The following ZFAT variants were observed in gnomAD, a reference collection of about 807,000 sequenced individuals.
The protein encoded by ZFAT is zinc finger protein ZFAT.
Under a neutral mutation model 117.7 loss-of-function variants are expected in ZFAT, and 64 were observed. The observed-to-expected ratio is 0.54, with a 90% CI of 0.44 to 0.67. The LOEUF (loss-of-function observed/expected upper bound fraction) is 0.67, where lower values mean the gene tolerates loss of function less well. Ranked by LOEUF, ZFAT falls within the 30% of genes least tolerant of loss-of-function variation. The pLI, the probability that ZFAT is intolerant of heterozygous loss-of-function variation, is 0.00. For synonymous variants in ZFAT, 679 were observed against 615.0 expected (o/e 1.10, Z -1.54); for missense variants, 1,433 against 1,584.5 (o/e 0.90, Z 1.62).
At chr8:134,535,877 A>G (rs1821798601) in intron 11 of ZFAT, among the ~76,000 whole-genome samples, 1 of 152,226 alleles carries the variant, frequency 6.6e-6, no homozygotes. Flanking sequence ...TTGGAATGTT[A>G]GCATTTACAT....
chr8:134,667,267 G>A (rs886084368), intron 1 of ZFAT, among the ~76,000 whole-genome samples: 2 of 152,130 alleles, frequency 1.3e-5, no homozygotes, highest in East Asian at 3.8e-4. Context: ...GCCGAGATGG[G>A]CGGATCAGAG....
rs752848073 is a variant in ZFAT at position 134,649,165 on chromosome 8, T to TCACACA, written c.196+8390_196+8395dup. Among the ~76,000 whole-genome samples the TCACACA allele has an allele frequency of 6.7e-4, 52 of 77,056 alleles. 1 individual carries two copies. The Middle Eastern group carries it at 0.019, about 28-fold the overall frequency. The allele number at this position is 77,056 out of a possible 152,430, so 50.6% of individuals were successfully genotyped here. On this transcript the variant is annotated intron_variant, in intron 2 of 15. Transcript: ENST00000377838. ...TAACCTAATGAAGAACATCTATCTC[T>TCACACA]CACACACACACACACACACACACAC...
chr8:134,710,351 C>T (rs1020902790), intron 1 of ZFAT, among the ~76,000 whole-genome samples: 2 of 152,224 alleles, frequency 1.3e-5, no homozygotes, highest in Admixed American at 1.3e-4. Flanking sequence ...AGGACACTTG[C>T]CTGGTGCACC....
At chr8:134,712,080 C>T (rs961914506) in intron 1 of ZFAT, among the ~76,000 whole-genome samples, 1 of 152,338 alleles carries the variant, frequency 6.6e-6, no homozygotes, top group Non-Finnish European at 1.5e-5. Context: ...TGAACACTTA[C>T]ATGAGCCAAG....
chr8:134,600,731 AATT>A (rs1827360248), intron 6 of ZFAT, 63 bp from the exon 7 acceptor site: 1 of 1,309,486 alleles, frequency 7.6e-7, no homozygotes, highest in Admixed American at 2.8e-5. Flanking sequence ...GAATTTTTTA[AATT>A]ATTATTATTT....
chr8:134,491,405 A>G (rs1818050784), intron 15 of ZFAT, among the ~76,000 whole-genome samples: 1 of 152,210 alleles, frequency 6.6e-6, no homozygotes, highest in African/African-American at 2.4e-5. Context: ...TTAGGTTTTT[A>G]TTTCATTTTC....
At chr8:134,802,822 T>C in the ZFAT span, among the ~76,000 whole-genome samples, 2 of 152,340 alleles carry the variant, frequency 1.3e-5, no homozygotes, top group East Asian at 3.8e-4. Flanking sequence ...AACAAGTTAT[T>C]ACAGGCTTAT....
the ZFAT span, among the ~76,000 whole-genome samples, chr8:134,822,919 A>C: frequency 6.6e-6 from 1 of 152,134 alleles, no homozygotes; most frequent in Non-Finnish European, 1.5e-5. Context: ...TCAGATTTTT[A>C]AAAAATCTAT....
At chr8:134,534,423 AATGTGAAGTG>A (rs1332968237) in intron 11 of ZFAT, among the ~76,000 whole-genome samples, 3 of 152,202 alleles carry the variant, frequency 2.0e-5, no homozygotes, top group Non-Finnish European at 2.9e-5. Context: ...GCAATGTCTG[AATGTGAAGTG>A]CACCAACAGA....
chr8:134,505,656 G>A (rs1450084242), intron 15 of ZFAT, among the ~76,000 whole-genome samples: 10 of 152,108 alleles, frequency 6.6e-5, no homozygotes, highest in Non-Finnish European at 1.0e-4. Flanking sequence ...TTAGCCTGCC[G>A]TTGCTGGCTC....
chr8:134,624,519 T>C (rs951432013), intron 3 of ZFAT, among the ~76,000 whole-genome samples: 13 of 152,102 alleles, frequency 8.5e-5, no homozygotes, highest in Non-Finnish European at 1.3e-4. Context: ...TAGCCGGGCA[T>C]GGGGGCGCAC....
At chr8:134,591,108 C>G (rs1826470525) in intron 7 of ZFAT, among the ~76,000 whole-genome samples, 1 of 152,120 alleles carries the variant, frequency 6.6e-6, no homozygotes, top group Admixed American at 6.5e-5. Context: ...CTCTACAACC[C>G]AAGAGCATAT....
chr8:134,573,370 C>T (rs1403416294), intron 10 of ZFAT, among the ~76,000 whole-genome samples: 3 of 152,126 alleles, frequency 2.0e-5, no homozygotes, highest in South Asian at 2.1e-4. Flanking sequence ...GCAACAAATT[C>T]GTTTAAGAAA....
intron 12 of ZFAT, among the ~76,000 whole-genome samples, chr8:134,522,053 T>G (rs776114425): frequency 2.6e-5 from 4 of 152,268 alleles, no homozygotes; most frequent in Non-Finnish European, 4.4e-5. Context: ...TCAGACCTTC[T>G]GGCCAACAAA....
chr8:134,618,507 A>G (rs1416880494), intron 3 of ZFAT, among the ~76,000 whole-genome samples: 1 of 152,132 alleles, frequency 6.6e-6, no homozygotes, highest in East Asian at 1.9e-4. Flanking sequence ...TCTGATTTCA[A>G]GTCTGCCTCT....
intron 12 of ZFAT, among the ~76,000 whole-genome samples, chr8:134,522,258 C>G (rs926817567): frequency 6.6e-6 from 1 of 152,254 alleles, no homozygotes; most frequent in Non-Finnish European, 1.5e-5. Flanking sequence ...CCCTGCTACC[C>G]ACAGTGCCAG....
At position 134,478,852 on chromosome 8, in the gene ZFAT, C is replaced by G; in HGVS notation, c.3493-131G>C. 1 of 1,359,660 alleles carries G rather than the reference C, an allele frequency of 7.4e-7. No individual in the cohort carries two copies. The highest frequency in any genetic ancestry group is 9.9e-7 in the Non-Finnish European group (1 of 1,012,350). 84.2% of individuals were successfully genotyped at this position (1,359,660 alleles called of 1,614,324 possible). ...CACGTCCATTCTCCACGGATCCTCT[C>G]TACCAGGCTGTGCTTGCTCTCATGC... On this transcript the variant is annotated intron_variant, in intron 15 of 15. Coordinates refer to ENST00000377838, the MANE Select transcript of ZFAT (RefSeq NM_020863.4). The surrounding 1 kb of genome is among the most constrained non-coding windows in gnomAD (Gnocchi z 5.2).
At chr8:134,714,935 A>G (rs1814192163), upstream of ZFAT, among the ~76,000 whole-genome samples, 1 of 152,196 alleles carries the variant, frequency 6.6e-6, no homozygotes, top group African/African-American at 2.4e-5. Context: ...ACCACAAGAT[A>G]CATGGCTAGG....
intron 13 of ZFAT, among the ~76,000 whole-genome samples, chr8:134,513,253 G>C (rs1025376762): frequency 6.6e-6 from 1 of 150,714 alleles, no homozygotes; most frequent in African/African-American, 2.4e-5. Context: ...GCTGGAGCGC[G>C]GTGGCGCGAT....
Sources: allele counts gnomAD v4.1 joint callset (sites outside exome capture counted in the v4.1 genomes callset), GRCh38; gene constraint gnomAD v4.1.1; non-coding constraint Gnocchi (gnomAD v3.1); transcripts MANE v1.5; gene names NCBI Gene and HGNC (gene_info 2026-07-23, HGNC 2026-07-21).